NRXN1: variants seen among roughly 807,000 people sequenced by gnomAD.
NRXN1 encodes neurexin 1.
In NRXN1, 39 loss-of-function variants were observed where a neutral mutation model predicts 150.9. That is an observed-to-expected ratio of 0.26 (90% CI 0.20 to 0.34). The LOEUF is 0.34. NRXN1 is among the 10% of genes least tolerant of loss of function. The pLI is 1.00. For synonymous variants in NRXN1, 924 were observed against 757.0 expected, an observed-to-expected ratio of 1.22 and a Z score of -3.62; for missense variants, 1,815 against 1,949.9, an observed-to-expected ratio of 0.93 and a Z score of 1.30.
chr2:50,273,403 G>A (rs1248248102), intron 17 of NRXN1, among the ~76,000 whole-genome samples: 1 of 152,086 alleles, frequency 6.6e-6, no homozygotes, highest in Non-Finnish European at 1.5e-5. Context: ...ATTTGTCTAT[G>A]TCTTAACCCA....
chr2:49,944,672 G>C (rs1246342398), intron 21 of NRXN1, among the ~76,000 whole-genome samples: 1 of 152,122 alleles, frequency 6.6e-6, no homozygotes, highest in Non-Finnish European at 1.5e-5. Context: ...CATAGATATT[G>C]CATGGAATCT....
At chr2:50,457,138 A>G (rs2087648421) in intron 17 of NRXN1, among the ~76,000 whole-genome samples, 1 of 152,170 alleles carries the variant, frequency 6.6e-6, no homozygotes, top group Non-Finnish European at 1.5e-5. Flanking sequence ...TTTTAATAAC[A>G]GAGCTGGAAG....
At chr2:50,210,280 G>T (rs543082512) in intron 18 of NRXN1, among the ~76,000 whole-genome samples, 4 of 151,850 alleles carry the variant, frequency 2.6e-5, no homozygotes, top group Middle Eastern at 3.4e-3. Context: ...ACTGTGTTTG[G>T]TTTATTCAAA....
At chr2:50,138,054 C>T (rs1179406712) in intron 18 of NRXN1, among the ~76,000 whole-genome samples, 1 of 152,018 alleles carries the variant, frequency 6.6e-6, no homozygotes, top group African/African-American at 2.4e-5. Context: ...ATTTATGCAG[C>T]CTTGGAAATG....
At chr2:50,709,904 C>T (rs1358998454) in intron 5 of NRXN1, among the ~76,000 whole-genome samples, 1 of 152,076 alleles carries the variant, frequency 6.6e-6, no homozygotes, top group Admixed American at 6.6e-5. Flanking sequence ...AATGAAGGTC[C>T]TTTATTGGCC....
intron 8 of NRXN1, among the ~76,000 whole-genome samples, chr2:50,617,853 G>A (rs748112837): frequency 1.3e-4 from 20 of 152,064 alleles, no homozygotes; most frequent in Non-Finnish European, 2.5e-4. Context: ...TCTGAAGCAC[G>A]GTTTAATTTG....
chr2:50,559,762 T>A (rs535284971), intron 8 of NRXN1, among the ~76,000 whole-genome samples: 2 of 152,124 alleles, frequency 1.3e-5, no homozygotes, highest in Admixed American at 1.3e-4. Context: ...AGATAATACA[T>A]ACCTATGTAT....
At chr2:50,269,471 A>G (rs886079735) in intron 17 of NRXN1, among the ~76,000 whole-genome samples, 2 of 152,240 alleles carry the variant, frequency 1.3e-5, no homozygotes, top group Non-Finnish European at 1.5e-5. Flanking sequence ...CAAAATACTT[A>G]CAAGGCATGC....
chr2:51,007,777 T>C (rs1667252236), intron 2 of NRXN1, among the ~76,000 whole-genome samples: 1 of 151,900 alleles, frequency 6.6e-6, no homozygotes. Context: ...AGAGTAACAG[T>C]CTGTAGACAA....
intron 5 of NRXN1, among the ~76,000 whole-genome samples, chr2:50,835,874 T>C (rs1201146083): frequency 6.6e-6 from 1 of 152,170 alleles, no homozygotes; most frequent in African/African-American, 2.4e-5. Context: ...GCAAGTAATT[T>C]AACTTTGCTG....
intron 18 of NRXN1, among the ~76,000 whole-genome samples, chr2:50,185,093 A>G (rs562577527): frequency 3.3e-5 from 5 of 152,210 alleles, no homozygotes; most frequent in African/African-American, 1.2e-4. Context: ...AGCCTGTGGG[A>G]AAGTGATGGG....
intron 5 of NRXN1, among the ~76,000 whole-genome samples, chr2:50,897,140 C>A (rs1682101611): frequency 6.6e-6 from 1 of 152,172 alleles, no homozygotes; most frequent in Non-Finnish European, 1.5e-5. Context: ...TGGTGTTAAG[C>A]AGCTCTACTG....
chr2:50,852,501 A>G (rs1375709287), intron 5 of NRXN1, among the ~76,000 whole-genome samples: 1 of 152,146 alleles, frequency 6.6e-6, no homozygotes, highest in Non-Finnish European at 1.5e-5. Flanking sequence ...ATTTCTGTCA[A>G]TTCTTTGATT....
chr2:49,920,610 C>A lies in NRXN1; in HGVS notation c.*1334G>T, dbSNP rs201428583. ...ATCAATACCTTGGCACAACCCTCTTCCTTCCTGCTTTTCAATTTGTCAATA... is the reference window on the plus strand; with the variant it reads ...ATCAATACCTTGGCACAACCCTCTTACTTCCTGCTTTTCAATTTGTCAATA... On this transcript the variant is annotated 3_prime_UTR_variant, in exon 23 of 23. Transcript: ENST00000401669. 1 of 152,382 alleles carries A rather than the reference C, an allele frequency of 6.6e-6. No homozygotes were observed. The highest frequency in any genetic ancestry group is 1.5e-5 in the Non-Finnish European group (1 of 68,034). 9.4% of individuals were successfully genotyped at this position (152,382 alleles called of 1,614,324 possible). A position where few individuals can be genotyped will look rare whatever the true frequency, so the allele number is the denominator to read the frequency against.
intron 2 of NRXN1, among the ~76,000 whole-genome samples, chr2:50,930,965 G>T (rs1325761332): frequency 6.6e-6 from 1 of 152,114 alleles, no homozygotes; most frequent in Non-Finnish European, 1.5e-5. Context: ...CTTGGACTGA[G>T]GTTAAGAGAG....
intron 2 of NRXN1, among the ~76,000 whole-genome samples, chr2:50,968,310 T>C (rs1182197729): frequency 6.6e-6 from 1 of 152,148 alleles, no homozygotes; most frequent in Non-Finnish European, 1.5e-5. Flanking sequence ...GATGATACTG[T>C]ATATTTGTAT....
chr2:50,672,674 C>CA (rs1175995518), intron 5 of NRXN1, among the ~76,000 whole-genome samples: 1 of 151,846 alleles, frequency 6.6e-6, no homozygotes, highest in Non-Finnish European at 1.5e-5. Flanking sequence ...TAAATGAAGA[C>CA]AAAATGATGT....
At chr2:50,502,698 G>A (rs898481844) in intron 13 of NRXN1, among the ~76,000 whole-genome samples, 1 of 152,116 alleles carries the variant, frequency 6.6e-6, no homozygotes, top group African/African-American at 2.4e-5. Context: ...CAATGTTGTA[G>A]GTATGAAGGT....
chr2:50,451,059 C>T (rs150324348), intron 17 of NRXN1, among the ~76,000 whole-genome samples: 73 of 152,246 alleles, frequency 4.8e-4, no homozygotes, highest in Non-Finnish European at 9.4e-4. Flanking sequence ...CTCCGCCTCT[C>T]GGATTCAAGG....
Sources: gnomAD v4.1 joint callset for allele counts (sites outside exome capture counted in the v4.1 genomes callset) on GRCh38, gnomAD v4.1.1 for gene constraint, MANE v1.5 for transcripts, NCBI Gene and HGNC (gene_info 2026-07-23, HGNC 2026-07-21) for gene names.